Variants in APBA2 observed in about 807,000 individuals in gnomAD.
The protein encoded by APBA2 is amyloid-beta A4 precursor protein-binding family A member 2.
A neutral mutation model predicts 75.0 loss-of-function variants in APBA2; 30 were observed. The observed-to-expected ratio is 0.40, with a 90% CI of 0.30 to 0.54. APBA2 has a LOEUF of 0.54. Ranked by LOEUF, APBA2 falls within the 20% of genes least tolerant of loss-of-function variation. APBA2 has a pLI of 0.49. For missense variants in APBA2, 801 were observed against 1,016.1 expected (o/e 0.79, Z 2.88); for synonymous variants, 444 against 409.6 (o/e 1.08, Z -1.01).
chr15:28,948,796 C>T (rs907303103), intron 2 of APBA2, among the ~76,000 whole-genome samples: 1 of 151,976 alleles, frequency 6.6e-6, no homozygotes, highest in Non-Finnish European at 1.5e-5. Context: ...GGGCAGGAAG[C>T]AGTTGTTTGG....
chr15:29,117,014 G>C, intron 14 of APBA2, 48 bp from the exon 15 acceptor site: 1 of 1,575,504 alleles, frequency 6.3e-7, no homozygotes, highest in Non-Finnish European at 8.7e-7. Flanking sequence ...CTGATTGTGG[G>C]AGGGGAGGTG....
At chr15:28,936,356 A>G (rs956208469) in intron 2 of APBA2, among the ~76,000 whole-genome samples, 2 of 152,202 alleles carry the variant, frequency 1.3e-5, no homozygotes, top group Non-Finnish European at 2.9e-5. Flanking sequence ...CTACTAGGCT[A>G]CAAAGTCATG....
At position 28,991,680 on chromosome 15, in the gene APBA2, G is replaced by A. The variant is rs2038241002; in HGVS notation, c.-94-4073G>A. ...GGAGCCAGGTCGAGCTGGCACTGGG[G>A]CGACGCTCTGTCTTTGATGCACCCT... is the stretch of plus-strand genomic sequence containing the variant. On this transcript the variant is annotated intron_variant, in intron 2 of 14. Transcript: ENST00000683413. The surrounding 1 kb of genome is among the most constrained non-coding windows in gnomAD (Gnocchi z 4.7). 6.6e-6 allele frequency among the ~76,000 whole-genome samples: 1 copy of A among 152,160 alleles called. No homozygotes were observed. Among genetic ancestry groups the A allele is most frequent in the South Asian group, 2.1e-4 (1 of 4,822 alleles).
At chr15:28,990,785 C>G (rs564894666) in intron 2 of APBA2, 29 of 152,334 alleles carry the variant, frequency 1.9e-4, no homozygotes, top group African/African-American at 6.5e-4. Flanking sequence ...CCCGTCAGTA[C>G]TAGACTTCAA....
At chr15:28,964,133 A>G (rs1256411949) in intron 2 of APBA2, among the ~76,000 whole-genome samples, 1 of 152,196 alleles carries the variant, frequency 6.6e-6, no homozygotes, top group Non-Finnish European at 1.5e-5. Context: ...TTCACTTACA[A>G]GTTTCTATGT....
intron 3 of APBA2, among the ~76,000 whole-genome samples, chr15:29,032,293 A>T (rs562333902): frequency 6.6e-6 from 1 of 152,322 alleles, no homozygotes; most frequent in South Asian, 2.1e-4. Flanking sequence ...AACATAGTAG[A>T]CCTTGAGTAA....
intron 3 of APBA2, among the ~76,000 whole-genome samples, chr15:29,016,484 A>G (rs2039669053): frequency 6.6e-6 from 1 of 152,146 alleles, no homozygotes; most frequent in Non-Finnish European, 1.5e-5. Context: ...GCCTCACAGT[A>G]TGGAGACAAC....
chr15:28,969,148 C>CTTTCTTTCTTTA (rs2036910754), intron 2 of APBA2, among the ~76,000 whole-genome samples: 1 of 75,816 alleles, frequency 1.3e-5, no homozygotes. Context: ...TTCTTTCTTT[C>CTTTCTTTCTTTA]TTTCTTTCTT....
intron 2 of APBA2, among the ~76,000 whole-genome samples, chr15:28,945,381 C>T (rs899560094): frequency 7.2e-5 from 11 of 152,062 alleles, no homozygotes; most frequent in Non-Finnish European, 8.8e-5. Flanking sequence ...TGGGTGATGT[C>T]GTTGGGATGG....
At chr15:29,063,354 C>T (rs1261099202) in intron 4 of APBA2, among the ~76,000 whole-genome samples, 1 of 89,996 alleles carries the variant, frequency 1.1e-5, no homozygotes, top group East Asian at 3.5e-4. Flanking sequence ...ATGGGTGGTG[C>T]AGGGAGTTGA....
chr15:28,944,997 C>T (rs951262293), intron 2 of APBA2, among the ~76,000 whole-genome samples: 1 of 152,204 alleles, frequency 6.6e-6, no homozygotes, highest in Non-Finnish European at 1.5e-5. Flanking sequence ...AGTGAGCTTC[C>T]TCCTTCATTT....
chr15:29,053,981 G>T lies in APBA2; in HGVS notation c.97G>T (p.Asp33Tyr). The T allele has an allele frequency of 6.2e-7, 1 of 1,614,080 alleles. No homozygotes were observed. The highest frequency in any genetic ancestry group is 8.5e-7 in the Non-Finnish European group (1 of 1,180,024). ...VPHSQEPESE[D>Y]MELPLEGYVP... is the part of the protein sequence containing the mutation. ...TCACAGCCAGGAGCCCGAGAGCGAG[G>T]ACATGGAGCTGCCCTTGGAGGGCTA... is the stretch of plus-strand genomic sequence containing the variant. The change falls in exon 4 of 15, where the codon GAC becomes TAC. Residue 33 changes from aspartate to tyrosine, a missense_variant. Asp to Tyr is a radical substitution (Grantham distance 160). Coordinates refer to ENST00000683413, the MANE Select transcript of APBA2 (RefSeq NM_001353788.2).
intron 1 of APBA2, among the ~76,000 whole-genome samples, chr15:28,914,293 A>G (rs2033568732): frequency 6.6e-6 from 1 of 152,126 alleles, no homozygotes; most frequent in Non-Finnish European, 1.5e-5. Context: ...AGCCTGGTGT[A>G]TGAGAGCATA....
At chr15:29,096,690 C>G (rs78275872) in intron 8 of APBA2, among the ~76,000 whole-genome samples, 3,229 of 152,306 alleles carry the variant, frequency 0.021, 100 homozygotes, top group African/African-American at 0.074. Flanking sequence ...CCGGGCCTCT[C>G]TAAAACTCAA....
chr15:28,906,372 A>G (rs1324293619), intron 1 of APBA2, among the ~76,000 whole-genome samples: 2 of 152,306 alleles, frequency 1.3e-5, no homozygotes, highest in Middle Eastern at 3.4e-3. Context: ...TGACACTTGC[A>G]CAATATGTGA....
intron 3 of APBA2, among the ~76,000 whole-genome samples, chr15:29,042,412 A>G (rs749004783): frequency 6.6e-6 from 1 of 152,012 alleles, no homozygotes; most frequent in Non-Finnish European, 1.5e-5. Context: ...AGCTGGGACT[A>G]CAAGTGCATG....
At chr15:28,967,102 G>A (rs1225432639) in intron 2 of APBA2, among the ~76,000 whole-genome samples, 2 of 152,106 alleles carry the variant, frequency 1.3e-5, no homozygotes, top group Admixed American at 1.3e-4. Context: ...TTCTTTAAAG[G>A]TTGGTCTGCT....
chr15:28,912,001 C>T (rs2033452078), intron 1 of APBA2, among the ~76,000 whole-genome samples: 1 of 152,170 alleles, frequency 6.6e-6, no homozygotes, highest in African/African-American at 2.4e-5. Flanking sequence ...TCCTATATAG[C>T]AATGAAGTGA....
intron 6 of APBA2, among the ~76,000 whole-genome samples, chr15:29,082,295 T>C (rs754385891): frequency 2.0e-5 from 3 of 152,228 alleles, no homozygotes; most frequent in African/African-American, 4.8e-5. Context: ...TGTATTGATA[T>C]AAGTTTACAT....
Sources: gnomAD v4.1 joint callset for allele counts (sites outside exome capture counted in the v4.1 genomes callset) on GRCh38, gnomAD v4.1.1 for gene constraint, Gnocchi (gnomAD v3.1) non-coding constraint, MANE v1.5 for transcripts, NCBI Gene and HGNC (gene_info 2026-07-23, HGNC 2026-07-21) for gene names.